C12orf42: variants seen among roughly 807,000 people sequenced by gnomAD.
C12orf42 encodes uncharacterized protein C12orf42.
C12orf42 carries 25 observed loss-of-function variants against 21.6 expected under a neutral mutation model. That is an observed-to-expected ratio of 1.16 (90% CI 0.84 to 1.62). The LOEUF (loss-of-function observed/expected upper bound fraction) is 1.62. C12orf42 is among the 40% of genes most tolerant of loss of function. C12orf42 has a pLI of 0.00. For synonymous variants in C12orf42, 174 were observed against 175.0 expected (o/e 0.99, Z 0.05); for missense variants, 483 against 459.3 (o/e 1.05, Z -0.47).
intron 2 of C12orf42, among the ~76,000 whole-genome samples, chr12:103,462,553 T>G (rs1952810145): frequency 6.6e-6 from 1 of 152,160 alleles, no homozygotes; most frequent in Non-Finnish European, 1.5e-5. Context: ...GAATGTCCCC[T>G]AAAAGCCACA....
chr12:103,229,193 A>ATCTG, the C12orf42 span, among the ~76,000 whole-genome samples: 1 of 152,164 alleles, frequency 6.6e-6, no homozygotes, highest in Non-Finnish European at 1.5e-5. Context: ...AATTCTCCAC[A>ATCTG]TCTGCCTTCC....
At chr12:103,076,467 G>A in the C12orf42 span, among the ~76,000 whole-genome samples, 4 of 152,030 alleles carry the variant, frequency 2.6e-5, no homozygotes, top group Admixed American at 2.6e-4. Context: ...CATGAGGCCT[G>A]TTAATGTCAT....
the C12orf42 span, among the ~76,000 whole-genome samples, chr12:103,143,646 G>T: frequency 1.3e-5 from 2 of 152,218 alleles, no homozygotes; most frequent in African/African-American, 4.8e-5. Flanking sequence ...CTCATTTTAA[G>T]AGTACATCCA....
intron 3 of C12orf42, among the ~76,000 whole-genome samples, chr12:103,395,369 T>C (rs1453633629): frequency 4.7e-5 from 7 of 148,762 alleles, no homozygotes; most frequent in African/African-American, 1.8e-4. Context: ...GGAGTCTCAC[T>C]CTGTCGCCCA....
chr12:103,249,802 C>T (rs766395012), intron 10 of C12orf42, among the ~76,000 whole-genome samples: 3 of 152,126 alleles, frequency 2.0e-5, no homozygotes, highest in East Asian at 1.9e-4. Context: ...ATTACCCATT[C>T]GTTAGGAAAC....
At chr12:103,278,204 G>A (rs1323428576) in intron 4 of C12orf42, among the ~76,000 whole-genome samples, 1 of 152,078 alleles carries the variant, frequency 6.6e-6, no homozygotes, top group Non-Finnish European at 1.5e-5. Flanking sequence ...CAATGGGGGG[G>A]CTATGTCTAC....
chr12:103,079,099 A>G, the C12orf42 span, among the ~76,000 whole-genome samples: 2 of 152,208 alleles, frequency 1.3e-5, no homozygotes, highest in Admixed American at 1.3e-4. Context: ...GCTCTTAAAC[A>G]TCTTCCATGA....
chr12:103,423,052 A>G (rs1235098525), intron 2 of C12orf42, among the ~76,000 whole-genome samples: 1 of 152,172 alleles, frequency 6.6e-6, no homozygotes, highest in Non-Finnish European at 1.5e-5. Context: ...CAGAACTGTA[A>G]CAGAAATAAA....
chr12:103,372,714 C>T (rs888084303), intron 3 of C12orf42, among the ~76,000 whole-genome samples: 4 of 152,116 alleles, frequency 2.6e-5, no homozygotes, highest in Non-Finnish European at 5.9e-5. Context: ...GGACTCTCTC[C>T]TCTGTGATCC....
intron 2 of C12orf42, among the ~76,000 whole-genome samples, chr12:103,410,598 C>T (rs1047617807): frequency 5.3e-5 from 8 of 152,170 alleles, no homozygotes; most frequent in African/African-American, 9.7e-5. Flanking sequence ...TCTACCCATA[C>T]TTCAACCATC....
chr12:103,183,893 T>A, the C12orf42 span, among the ~76,000 whole-genome samples: 2 of 152,206 alleles, frequency 1.3e-5, no homozygotes, highest in Non-Finnish European at 2.9e-5. Flanking sequence ...TGTGTCCTTG[T>A]TTTCTAGTTT....
At chr12:103,523,770 T>C in the C12orf42 span, among the ~76,000 whole-genome samples, 2 of 151,854 alleles carry the variant, frequency 1.3e-5, no homozygotes, top group Admixed American at 6.6e-5. Context: ...TATATATATA[T>C]ATATCTTAAA....
chr12:103,351,272 T>C (rs955799484), intron 4 of C12orf42, among the ~76,000 whole-genome samples: 2 of 152,148 alleles, frequency 1.3e-5, no homozygotes, highest in Non-Finnish European at 2.9e-5. Flanking sequence ...GTTTGAACCA[T>C]GTTTAAATAA....
At chr12:103,268,004 T>A (rs996288024), downstream of C12orf42, 1 of 152,022 alleles carries the variant, frequency 6.6e-6, no homozygotes, top group Non-Finnish European at 1.5e-5. Flanking sequence ...GAAAAACATA[T>A]AACAAAAAAG....
chr12:103,522,167 T>A, the C12orf42 span, among the ~76,000 whole-genome samples: 4 of 152,132 alleles, frequency 2.6e-5, no homozygotes, highest in Non-Finnish European at 5.9e-5. Flanking sequence ...ACTTTTCTCA[T>A]GGTAGTGAAT....
chr12:103,214,864 A>G, the C12orf42 span, among the ~76,000 whole-genome samples: 1 of 152,110 alleles, frequency 6.6e-6, no homozygotes, highest in Non-Finnish European at 1.5e-5. Context: ...CCATCCCCTG[A>G]CATCCTGACC....
At chr12:103,176,068 T>G in the C12orf42 span, among the ~76,000 whole-genome samples, 3 of 152,218 alleles carry the variant, frequency 2.0e-5, no homozygotes, top group African/African-American at 7.2e-5. Context: ...ACTTCTCTTA[T>G]TCTGCTTCTT....
At chr12:103,226,281 G>T in the C12orf42 span, among the ~76,000 whole-genome samples, 1 of 152,170 alleles carries the variant, frequency 6.6e-6, no homozygotes, top group Non-Finnish European at 1.5e-5. Context: ...TTCTGTTATT[G>T]TACACCTTGA....
the C12orf42 span, among the ~76,000 whole-genome samples, chr12:103,159,049 T>C: frequency 6.6e-6 from 1 of 152,200 alleles, no homozygotes; most frequent in Admixed American, 6.5e-5. Flanking sequence ...TAGATCTTCT[T>C]TGACTATCAT....
Sources: allele counts gnomAD v4.1 joint callset (sites outside exome capture counted in the v4.1 genomes callset), GRCh38; gene constraint gnomAD v4.1.1; transcripts MANE v1.5; gene names NCBI Gene and HGNC (gene_info 2026-07-23, HGNC 2026-07-21).